SLC4A4: variants seen among roughly 807,000 people sequenced by gnomAD.
SLC4A4 encodes electrogenic sodium bicarbonate cotransporter 1.
A neutral mutation model predicts 111.5 loss-of-function variants in SLC4A4; 27 were observed. The observed-to-expected ratio is 0.24, with a 90% CI of 0.18 to 0.33. The LOEUF is 0.33. Among genes scored for constraint, SLC4A4 ranks in the 10% least tolerant of loss-of-function variants. The probability of loss-of-function intolerance (pLI) is 1.00; values close to 1 mark genes in which losing one functional copy is unlikely to be tolerated. For missense variants in SLC4A4, 909 were observed against 1,315.5 expected (o/e 0.69, Z 4.78); for synonymous variants, 443 against 463.4 (o/e 0.96, Z 0.57).
intron 2 of SLC4A4, among the ~76,000 whole-genome samples, chr4:71,119,839 C>T (rs1203742399): frequency 2.6e-5 from 4 of 152,138 alleles, no homozygotes; most frequent in Non-Finnish European, 5.9e-5. Flanking sequence ...TTTAGTCTGT[C>T]TTTATATTGT....
At chr4:71,125,234 G>A (rs184933762) in intron 2 of SLC4A4, among the ~76,000 whole-genome samples, 3 of 152,298 alleles carry the variant, frequency 2.0e-5, no homozygotes, top group East Asian at 3.9e-4. Flanking sequence ...CAACAAAAAG[G>A]CCAAGGTGTT....
intron 2 of SLC4A4, among the ~76,000 whole-genome samples, chr4:71,168,330 C>T (rs1250569893): frequency 2.0e-5 from 3 of 151,468 alleles, no homozygotes; most frequent in Non-Finnish European, 4.4e-5. Context: ...TCCAGGCCCA[C>T]GCCACTGTGC....
At chr4:71,220,642 A>G (rs1352668600) in intron 1 of SLC4A4, among the ~76,000 whole-genome samples, 1 of 152,188 alleles carries the variant, frequency 6.6e-6, no homozygotes, top group East Asian at 1.9e-4. Context: ...GTGTCACATT[A>G]GATAGTTATG....
intron 2 of SLC4A4, among the ~76,000 whole-genome samples, chr4:71,117,941 A>G (rs530822420): frequency 7.0e-6 from 1 of 143,170 alleles, no homozygotes; most frequent in South Asian, 2.2e-4. Flanking sequence ...TGGTGGTGCT[A>G]TCTTGCCTCA....
intron 1 of SLC4A4, among the ~76,000 whole-genome samples, chr4:71,235,298 A>G (rs960100262): frequency 2.6e-5 from 4 of 152,234 alleles, no homozygotes; most frequent in African/African-American, 7.2e-5. Context: ...CTTCTAAAAT[A>G]GTAAGGACAA....
chr4:71,264,742 C>T (rs1363848715), intron 3 of SLC4A4, among the ~76,000 whole-genome samples: 1 of 152,058 alleles, frequency 6.6e-6, no homozygotes, highest in Non-Finnish European at 1.5e-5. Flanking sequence ...CAAACAACAA[C>T]AACCAAGCAG....
upstream of SLC4A4, among the ~76,000 whole-genome samples, chr4:71,183,684 T>C (rs1442914162): frequency 1.3e-5 from 2 of 152,224 alleles, no homozygotes; most frequent in African/African-American, 4.8e-5. Context: ...GTTAACAAAA[T>C]TGATACAGAG....
In SLC4A4 at chr4:71,064,906, T is replaced by C. The variant is rs1352368478; in HGVS notation, c.-65+2118T>C. ...AGGGTGATAATTCTACCTCATGGAG[T>C]TGCTTTGAAGATTCAATAAGGTATC... On this transcript the variant is annotated intron_variant, in intron 1 of 26. Transcript: ENST00000649996. Among the ~76,000 whole-genome samples the C allele has an allele frequency of 2.0e-5, 3 of 152,202 alleles. No homozygotes were observed. In the East Asian group the frequency reaches 5.8e-4, roughly 29 times the overall value.
intron 16 of SLC4A4, among the ~76,000 whole-genome samples, chr4:71,508,903 C>T (rs2149170930): frequency 6.6e-6 from 1 of 152,302 alleles, no homozygotes; most frequent in Admixed American, 6.5e-5. Context: ...AGCTTATCCA[C>T]CACGATCAAG....
At chr4:71,555,969 G>A (rs1736439034) in intron 21 of SLC4A4, among the ~76,000 whole-genome samples, 2 of 151,956 alleles carry the variant, frequency 1.3e-5, no homozygotes, top group South Asian at 2.1e-4. Context: ...TACTTATGCT[G>A]TTTTCTGGCA....
At chr4:71,247,384 G>T (rs964020156) in intron 2 of SLC4A4, among the ~76,000 whole-genome samples, 3 of 149,992 alleles carry the variant, frequency 2.0e-5, no homozygotes, top group African/African-American at 7.3e-5. Flanking sequence ...TTAAATAGTT[G>T]ATACCTGATT....
At chr4:71,396,196 T>A (rs79036121) in intron 6 of SLC4A4, among the ~76,000 whole-genome samples, 3,855 of 152,320 alleles carry the variant, frequency 0.025, 158 homozygotes, top group East Asian at 0.15. Flanking sequence ...AATAATGCTC[T>A]GTGCTTAAAT....
At chr4:71,158,139 GTGTCTCTC>G (rs1263361045) in intron 2 of SLC4A4, among the ~76,000 whole-genome samples, 2 of 129,966 alleles carry the variant, frequency 1.5e-5, no homozygotes, top group African/African-American at 5.4e-5. Context: ...GTGTGTGTGT[GTGTCTCTC>G]TCTCTCTCTC....
intron 6 of SLC4A4, among the ~76,000 whole-genome samples, chr4:71,387,266 T>A (rs906160714): frequency 1.3e-5 from 2 of 152,198 alleles, no homozygotes; most frequent in African/African-American, 4.8e-5. Context: ...AATGGTGTCA[T>A]GTTCTACTAT....
chr4:71,308,655 G>A (rs928487047), intron 3 of SLC4A4, among the ~76,000 whole-genome samples: 6 of 152,164 alleles, frequency 3.9e-5, no homozygotes, highest in South Asian at 4.1e-4. Context: ...AAGGAAAGCC[G>A]TGAGGGACTG....
At chr4:71,353,478 A>G (rs945486213) in intron 5 of SLC4A4, among the ~76,000 whole-genome samples, 1 of 152,312 alleles carries the variant, frequency 6.6e-6, no homozygotes, top group African/African-American at 2.4e-5. Context: ...GCTAAAAAAC[A>G]TCTTAATCCT....
intron 12 of SLC4A4, among the ~76,000 whole-genome samples, chr4:71,459,288 G>T (rs762608296): frequency 6.6e-6 from 1 of 151,896 alleles, no homozygotes; most frequent in Non-Finnish European, 1.5e-5. Context: ...ACTTGCAACT[G>T]TTTTGAGAAT....
rs554530913 is a variant in SLC4A4 at position 71,513,759 on chromosome 4, G to A, written c.2166+16067G>A. On this transcript the variant is annotated intron_variant, in intron 16 of 25. Coordinates refer to ENST00000264485, the MANE Select transcript of SLC4A4 (RefSeq NM_001098484.3). ...CCTCATTCAGTATGACATTAGTGGT[G>A]GGTTTGTTGTACAAGGCCTTTATTA... Among the ~76,000 whole-genome samples, 3 of 152,210 alleles carry A rather than the reference G, an allele frequency of 2.0e-5. No homozygotes were observed. In the South Asian group the frequency reaches 6.2e-4, roughly 32 times the overall value.
In SLC4A4 at chr4:71,557,791, G is replaced by A. The variant is rs761021368; in HGVS notation, c.2843G>A (p.Arg948His). The A allele has an allele frequency of 1.3e-5, 21 of 1,612,520 alleles. No homozygotes were observed. Among genetic ancestry groups the A allele is most frequent in the South Asian group, 4.4e-5 (4 of 91,062 alleles). The stretch of plus-strand genomic sequence containing the variant: ...ATCTACCTGCGTCATGTTCCTCTGC[G>A]CAGAGTCCACCTGTTCACTTTCCTG... The part of the protein sequence containing the change: ...DFIYLRHVPL[R>H]RVHLFTFLQV... Residue 948 changes from arginine to histidine, a missense_variant, in exon 22 of 26, where the codon CGC becomes CAC. Physicochemically the swap from Arg to His is conservative, Grantham distance 29 (BLOSUM62 0). Around this residue, in one of 7 missense-constraint regions of SLC4A4, gnomAD observed 104 missense variants for 219.5 expected, o/e 0.47. Coordinates refer to ENST00000264485, the MANE Select transcript of SLC4A4 (RefSeq NM_001098484.3).
Sources: gnomAD v4.1 joint callset for allele counts (sites outside exome capture counted in the v4.1 genomes callset) on GRCh38, gnomAD v4.1.1 for gene constraint, gnomAD v4.1.1 regional missense constraint, MANE v1.5 for transcripts, NCBI Gene and HGNC (gene_info 2026-07-23, HGNC 2026-07-21) for gene names.